The following CLVS1 variants were observed in gnomAD, a reference collection of about 807,000 sequenced individuals.
The protein encoded by CLVS1 is clavesin-1.
CLVS1 carries 10 observed loss-of-function variants against 33.1 expected under a neutral mutation model. The observed-to-expected ratio is 0.30, with a 90% CI of 0.19 to 0.51. The LOEUF is 0.51. Ranked by LOEUF, CLVS1 falls within the 20% of genes least tolerant of loss-of-function variation. The probability of loss-of-function intolerance (pLI) is 0.97; values close to 1 mark genes in which losing one functional copy is unlikely to be tolerated. For synonymous variants in CLVS1, 163 were observed against 166.1 expected, an observed-to-expected ratio of 0.98 and a Z score of 0.14; for missense variants, 343 against 433.4, an observed-to-expected ratio of 0.79 and a Z score of 1.85.
the CLVS1 span, among the ~76,000 whole-genome samples, chr8:60,977,606 A>T: frequency 1.3e-5 from 2 of 152,232 alleles, no homozygotes; most frequent in Non-Finnish European, 2.9e-5. Flanking sequence ...TGAACTTGAG[A>T]CAATTGAGAC....
At chr8:61,045,720 C>T in the CLVS1 span, among the ~76,000 whole-genome samples, 1 of 152,180 alleles carries the variant, frequency 6.6e-6, no homozygotes, top group African/African-American at 2.4e-5. Context: ...GTATATTCCA[C>T]CCACACAATT....
At chr8:61,395,787 C>G (rs1814501474) in intron 3 of CLVS1, among the ~76,000 whole-genome samples, 1 of 151,744 alleles carries the variant, frequency 6.6e-6, no homozygotes, top group Non-Finnish European at 1.5e-5. Flanking sequence ...TATACAAATT[C>G]TCAATGAAGA....
At chr8:61,201,476 A>G (rs1807731224) in intron 2 of CLVS1, among the ~76,000 whole-genome samples, 1 of 152,214 alleles carries the variant, frequency 6.6e-6, no homozygotes, top group South Asian at 2.1e-4. Context: ...AGAAGACCAA[A>G]GGAAATCTAA....
intron 3 of CLVS1, chr8:61,377,587 A>G (rs544643274): frequency 2.0e-5 from 3 of 152,322 alleles, no homozygotes; most frequent in Admixed American, 1.3e-4. Flanking sequence ...ATATAGCAAA[A>G]TATGACATTC....
intron 2 of CLVS1, among the ~76,000 whole-genome samples, chr8:61,166,291 G>T (rs1377823704): frequency 3.3e-5 from 5 of 151,784 alleles, no homozygotes; most frequent in Non-Finnish European, 4.4e-5. Flanking sequence ...TCATGCCCAG[G>T]TAATTTTTGT....
At chr8:61,280,771 C>T (rs1040617317) in intron 2 of CLVS1, among the ~76,000 whole-genome samples, 2 of 152,098 alleles carry the variant, frequency 1.3e-5, no homozygotes, top group Non-Finnish European at 2.9e-5. Context: ...CTTTAGCCCT[C>T]ATAAGTGATC....
intron 1 of CLVS1, among the ~76,000 whole-genome samples, chr8:61,128,365 T>G (rs576227680): frequency 6.6e-6 from 1 of 152,356 alleles, no homozygotes; most frequent in South Asian, 2.1e-4. Flanking sequence ...TACCTCAGAC[T>G]CTTTGACAGT....
intron 2 of CLVS1, among the ~76,000 whole-genome samples, chr8:61,315,088 T>C (rs1810966371): frequency 6.6e-6 from 1 of 152,186 alleles, no homozygotes; most frequent in Non-Finnish European, 1.5e-5. Context: ...TAGGCAGTTT[T>C]TCTTCCAAGG....
rs1170234592 is a variant in CLVS1, at chr8:61,500,985, C to CTATT, written c.*1444_*1447dup. 2 of 152,006 alleles carry CTATT rather than the reference C, an allele frequency of 1.3e-5. No homozygotes were observed. Among genetic ancestry groups the CTATT allele is most frequent in the Admixed American group, 6.6e-5 (1 of 15,256 alleles). The allele number at this position is 152,006 out of a possible 1,614,324, so 9.4% of individuals were successfully genotyped here. The stretch of plus-strand genomic sequence containing the variant: ...GGATCTAATGTTTTAATTTTTTCCC[C>CTATT]TATTGGTAGAGAACAATAACAGAAG... On this transcript the variant is annotated 3_prime_UTR_variant, in exon 6 of 6. Transcript: ENST00000325897.
intron 2 of CLVS1, among the ~76,000 whole-genome samples, chr8:61,200,305 G>C (rs528291845): frequency 6.6e-6 from 1 of 152,162 alleles, no homozygotes; most frequent in South Asian, 2.1e-4. Flanking sequence ...AGTTTTAATA[G>C]AGATGGGGTT....
chr8:61,071,278 A>G (rs1035102611), intron 1 of CLVS1, among the ~76,000 whole-genome samples: 2 of 152,196 alleles, frequency 1.3e-5, no homozygotes, highest in African/African-American at 4.8e-5. Context: ...GTCTGAAAAC[A>G]TTTTTATTGG....
chr8:61,119,339 GT>G (rs1288499921), intron 1 of CLVS1, among the ~76,000 whole-genome samples: 2 of 151,696 alleles, frequency 1.3e-5, no homozygotes, highest in Non-Finnish European at 2.9e-5. Context: ...TTGCCAGTCT[GT>G]GTCTTTTAAT....
intron 2 of CLVS1, among the ~76,000 whole-genome samples, chr8:61,272,138 T>C (rs1409021032): frequency 6.6e-6 from 1 of 151,644 alleles, no homozygotes. Flanking sequence ...GTACTGGTTG[T>C]TCCTTTCCAT....
chr8:60,978,796 C>T, the CLVS1 span, among the ~76,000 whole-genome samples: 53 of 107,658 alleles, frequency 4.9e-4, no homozygotes, highest in Admixed American at 2.1e-3. Context: ...TGTGACAGAG[C>T]GAGACTCCAT....
intron 2 of CLVS1, among the ~76,000 whole-genome samples, chr8:61,143,308 T>G (rs943923280): frequency 6.6e-6 from 1 of 152,208 alleles, no homozygotes; most frequent in Non-Finnish European, 1.5e-5. Context: ...GCCCCAGGAT[T>G]CGCACTGTGG....
intron 3 of CLVS1, among the ~76,000 whole-genome samples, chr8:61,378,781 G>C (rs1217065653): frequency 6.6e-6 from 1 of 152,116 alleles, no homozygotes; most frequent in Non-Finnish European, 1.5e-5. Flanking sequence ...CTCACTTCAG[G>C]CTATCTGCTC....
chr8:61,493,771 C>T (rs1804177137), intron 5 of CLVS1, among the ~76,000 whole-genome samples: 1 of 152,190 alleles, frequency 6.6e-6, no homozygotes, highest in Admixed American at 6.5e-5. Context: ...TTGTTGTTGA[C>T]TTTAAGAAAG....
chr8:61,355,851 G>A (rs182342368), intron 2 of CLVS1, among the ~76,000 whole-genome samples: 1,706 of 152,270 alleles, frequency 0.011, 40 homozygotes, highest in African/African-American at 0.038. Context: ...TTTTGCTATT[G>A]TGAATAGTGC....
the CLVS1 span, among the ~76,000 whole-genome samples, chr8:61,008,976 A>G: frequency 6.6e-6 from 1 of 151,986 alleles, no homozygotes; most frequent in Non-Finnish European, 1.5e-5. Flanking sequence ...TCTATACCTA[A>G]TCTCTTTTGA....
Sources: gnomAD v4.1 joint callset for allele counts (sites outside exome capture counted in the v4.1 genomes callset) on GRCh38, gnomAD v4.1.1 for gene constraint, MANE v1.5 for transcripts, NCBI Gene and HGNC (gene_info 2026-07-23, HGNC 2026-07-21) for gene names.